GLYATL1: variants seen among roughly 807,000 people sequenced by gnomAD.
GLYATL1 encodes glycine N-acyltransferase-like protein 1.
GLYATL1 carries 15 observed loss-of-function variants against 20.0 expected under a neutral mutation model. That is an observed-to-expected ratio of 0.75 (90% CI 0.50 to 1.15). The LOEUF (loss-of-function observed/expected upper bound fraction) is 1.15, where lower values mean the gene tolerates loss of function less well. GLYATL1 is among the 50% of genes most tolerant of loss of function. GLYATL1 has a pLI of 0.00. For missense variants in GLYATL1, 380 were observed against 368.5 expected, an observed-to-expected ratio of 1.03 and a Z score of -0.26; for synonymous variants, 151 against 131.5, an observed-to-expected ratio of 1.15 and a Z score of -1.01.
chr11:58,908,106 T>A (rs556149765), exon 2 of GLYATL1: 1 of 152,480 alleles, frequency 6.6e-6, no homozygotes, highest in South Asian at 2.1e-4. Flanking sequence ...TGTGCTCCTG[T>A]GGCGCTCTTC....
upstream of GLYATL1, among the ~76,000 whole-genome samples, chr11:58,924,482 A>G (rs1298214037): frequency 6.6e-6 from 1 of 152,194 alleles, no homozygotes; most frequent in Non-Finnish European, 1.5e-5. Flanking sequence ...TGGCCTTCCA[A>G]AAAGGTTTGT....
chr11:58,947,259 C>T lies in GLYATL1; in HGVS notation c.78+94C>T, dbSNP rs989084672. 24 of 1,489,668 alleles carry T rather than the reference C, an allele frequency of 1.6e-5. No homozygotes were observed. In the Middle Eastern group the frequency reaches 6.3e-4, roughly 39 times the overall value. 92.3% of individuals were successfully genotyped at this position (1,489,668 alleles called of 1,614,324 possible). A position where few individuals can be genotyped will look rare whatever the true frequency, so the allele number is the denominator to read the frequency against. On this transcript the variant is annotated intron_variant, in intron 3 of 6. Transcript: ENST00000532726. ...GATTCTAGTCCTTCCTGACTGTTTG[C>T]AGAGGGTTGGAGCTGGGAAACAGGA...
intron 3 of GLYATL1, chr11:58,947,648 C>T: frequency 1.8e-6 from 1 of 566,388 alleles, no homozygotes; most frequent in Non-Finnish European, 3.2e-6. Context: ...TTTGGTATCA[C>T]AAGGACAGTC....
chr11:58,905,718 GGATGGGTCATCTGGACAAATAGGGA>G, intron 1 of GLYATL1: 4 of 405,644 alleles, frequency 9.9e-6, no homozygotes, highest in South Asian at 3.4e-5. Context: ...GCTGGGACCG[GGATGGGTCATCTGGACAAATAGGGA>G]GGGTGGGCGG....
In GLYATL1 at chr11:58,956,134, C is replaced by A; in HGVS notation, c.*107C>A. On this transcript the variant is annotated 3_prime_UTR_variant, in exon 7 of 7. Transcript: ENST00000532726. Reference sequence around the variant, plus strand: ...AAATGCATATTGGGCACTTATAATACAGCAGGAACTCTTCTCACCTGGAGC... The same window carrying A: ...AAATGCATATTGGGCACTTATAATAAAGCAGGAACTCTTCTCACCTGGAGC... 1.0e-6 allele frequency: 1 copy of A among 955,396 alleles called. No homozygotes were observed. The highest frequency in any genetic ancestry group is 1.6e-6 in the Non-Finnish European group (1 of 633,920). 59.2% of individuals were successfully genotyped at this position (955,396 alleles called of 1,614,324 possible).
chr11:58,949,697 A>G (rs1021724275), intron 4 of GLYATL1, among the ~76,000 whole-genome samples: 8 of 152,266 alleles, frequency 5.3e-5, no homozygotes, highest in African/African-American at 1.9e-4. Flanking sequence ...AAAAACAAAA[A>G]GGAAAGAATG....
rs778969436 is a variant in GLYATL1 at position 58,954,837 on chromosome 11, CAGA to C, written c.260_262del (p.Glu87del). The C allele has an allele frequency of 2.6e-5, 42 of 1,612,820 alleles. No homozygotes were observed. The highest frequency in any genetic ancestry group is 2.3e-4 in the South Asian group (21 of 90,900). On this transcript the variant is annotated inframe_deletion, in exon 5 of 7. Transcript: ENST00000532726. ...ATGTTCTCCAAAGAGCCTCAAAAAT[CAGA>C]AGAAGTTTTGAAAAATTGTGAGATC...
At chr11:58,955,153 T>G in intron 5 of GLYATL1, 23 bp from the exon 6 acceptor site, 1 of 1,605,952 alleles carries the variant, frequency 6.2e-7, no homozygotes, top group Non-Finnish European at 8.5e-7. Context: ...CTGACAAGAT[T>G]GCTTTCTTGG....
chr11:58,949,729 G>A (rs1423771761), intron 4 of GLYATL1, among the ~76,000 whole-genome samples: 1 of 152,008 alleles, frequency 6.6e-6, no homozygotes, highest in African/African-American at 2.4e-5. Flanking sequence ...AATTTACTTG[G>A]AAGTGCATTC....
At chr11:58,909,233 G>A (rs1364497238), downstream of GLYATL1, among the ~76,000 whole-genome samples, 2 of 152,186 alleles carry the variant, frequency 1.3e-5, no homozygotes, top group Admixed American at 1.3e-4. Flanking sequence ...GTTGTCAGGG[G>A]CTGGGAAGAG....
downstream of GLYATL1, among the ~76,000 whole-genome samples, chr11:58,912,385 G>C (rs1855066736): frequency 1.3e-5 from 2 of 152,188 alleles, no homozygotes; most frequent in South Asian, 4.1e-4. Context: ...CAGACTTCCT[G>C]CTTTTGCTTC....
intron 1 of GLYATL1, among the ~76,000 whole-genome samples, chr11:58,917,762 C>T (rs1168947084): frequency 6.6e-6 from 1 of 152,182 alleles, no homozygotes; most frequent in Non-Finnish European, 1.5e-5. Flanking sequence ...TAAGTTTACT[C>T]ATATCATGGG....
chr11:58,915,508 G>C (rs1447065797), intron 1 of GLYATL1, among the ~76,000 whole-genome samples: 1 of 152,142 alleles, frequency 6.6e-6, no homozygotes, highest in African/African-American at 2.4e-5. Flanking sequence ...AGGTAGCTGG[G>C]CCTGGCCAGC....
At chr11:58,925,130 C>T (rs1855398436), upstream of GLYATL1, among the ~76,000 whole-genome samples, 1 of 152,042 alleles carries the variant, frequency 6.6e-6, no homozygotes, top group Non-Finnish European at 1.5e-5. Flanking sequence ...CAGGCTGGTG[C>T]TGGTGTACTG....
At chr11:58,923,787 G>C (rs950684743), upstream of GLYATL1, among the ~76,000 whole-genome samples, 1 of 152,202 alleles carries the variant, frequency 6.6e-6, no homozygotes, top group Non-Finnish European at 1.5e-5. Flanking sequence ...AGGCAGCCAG[G>C]TCTTGTTTAA....
rs139121132 is a variant in GLYATL1, at chr11:58,954,122, C to A, written c.187-648C>A. On this transcript the variant is annotated intron_variant, in intron 4 of 6. Transcript: ENST00000532726. ...GCAAGGTCTCGTTAGTGTTTATATT[C>A]ACTAAAGTATCTTGCTCAAGCCCTG... is the stretch of plus-strand genomic sequence containing the variant. 2.9e-4 allele frequency among the ~76,000 whole-genome samples: 44 copies of A among 152,316 alleles called. No individual in the cohort carries two copies. The East Asian group carries it at 3.9e-3, about 13-fold the overall frequency.
rs1428645278 is a variant in GLYATL1, at chr11:58,955,348, T to G, written c.486T>G (p.Phe162Leu). ...AGACAGGCCACCCAGATGATGAATT[T>G]GAAAGGTACAAAAACATGTGCTGAT... ...WAETGHPDDE[F>L]ESETPNFKYA... The change falls in exon 6 of 7, where the codon TTT becomes TTG. Residue 162 changes from phenylalanine to leucine, a missense_variant. Transcript: ENST00000532726. 2 of 1,612,328 alleles carry G rather than the reference T, an allele frequency of 1.2e-6. No homozygotes were observed. The highest frequency in any genetic ancestry group is 1.7e-6 in the Non-Finnish European group (2 of 1,179,356).
upstream of GLYATL1, among the ~76,000 whole-genome samples, chr11:58,926,183 T>C (rs1040156961): frequency 2.6e-5 from 4 of 152,232 alleles, no homozygotes; most frequent in Non-Finnish European, 5.9e-5. Context: ...GCCTGTGAGC[T>C]GGCAATCTGG....
chr11:58,927,004 A>G (rs969069419), upstream of GLYATL1, among the ~76,000 whole-genome samples: 1 of 152,224 alleles, frequency 6.6e-6, no homozygotes, highest in African/African-American at 2.4e-5. Context: ...ACAGTCATTC[A>G]TGCATGTTTT....
Sources: gnomAD v4.1 joint callset for allele counts (sites outside exome capture counted in the v4.1 genomes callset) on GRCh38, gnomAD v4.1.1 for gene constraint, MANE v1.5 for transcripts, NCBI Gene and HGNC (gene_info 2026-07-23, HGNC 2026-07-21) for gene names.